Variants in CYTH1 observed in about 807,000 individuals in gnomAD.
CYTH1 encodes the protein cytohesin-1.
Under a neutral mutation model 61.8 loss-of-function variants are expected in CYTH1, and 18 were observed. That is an observed-to-expected ratio of 0.29 (90% confidence interval 0.20 to 0.43). The LOEUF (loss-of-function observed/expected upper bound fraction) is 0.43, where lower values mean the gene tolerates loss of function less well. CYTH1 is among the 20% of genes least tolerant of loss of function. The pLI, the probability that CYTH1 is intolerant of heterozygous loss-of-function variation, is 1.00. For missense variants in CYTH1, 336 were observed against 510.5 expected (o/e 0.66, Z 3.29); for synonymous variants, 174 against 184.3 (o/e 0.94, Z 0.45).
At chr17:78,752,605 G>C (rs1195642845) in intron 1 of CYTH1, among the ~76,000 whole-genome samples, 1 of 152,012 alleles carries the variant, frequency 6.6e-6, no homozygotes, top group Non-Finnish European at 1.5e-5. Flanking sequence ...GCTAATTTTT[G>C]TATTTTTAGT....
intron 13 of CYTH1, among the ~76,000 whole-genome samples, chr17:78,679,502 C>T (rs141073719): frequency 1.3e-5 from 2 of 151,936 alleles, no homozygotes; most frequent in East Asian, 1.9e-4. Context: ...GCCAGGCAGA[C>T]CAAGTCCCAG....
At chr17:78,781,944 T>C (rs1203433377) in intron 1 of CYTH1, among the ~76,000 whole-genome samples, 3 of 148,180 alleles carry the variant, frequency 2.0e-5, no homozygotes, top group Non-Finnish European at 3.0e-5. Flanking sequence ...GCCCGGCCTG[T>C]GACCCCCGCC....
rs564214363 is a variant in CYTH1 at position 78,686,625 on chromosome 17, G to A, written c.892-5583C>T. On this transcript the variant is annotated intron_variant, in intron 11 of 13. Coordinates refer to ENST00000446868, the MANE Select transcript of CYTH1 (RefSeq NM_004762.6). ...TCCTCTCGGATTGTAAGTATCCAACGTCAGGGTTTGCTCCATCTATCTGGG... is the reference window on the plus strand; with the variant it reads ...TCCTCTCGGATTGTAAGTATCCAACATCAGGGTTTGCTCCATCTATCTGGG... Among the ~76,000 whole-genome samples the A allele has an allele frequency of 1.6e-4, 24 of 152,236 alleles. No homozygotes were observed. The East Asian group carries it at 3.1e-3, about 20-fold the overall frequency.
chr17:78,723,744 G>GA (rs2093249764), intron 1 of CYTH1: 2 of 152,330 alleles, frequency 1.3e-5, no homozygotes. Context: ...TTCACTGCAA[G>GA]AATGCCAACC....
chr17:78,771,729 TAAAAAAA>T (rs752607880), intron 1 of CYTH1, among the ~76,000 whole-genome samples: 8 of 117,820 alleles, frequency 6.8e-5, no homozygotes, highest in African/African-American at 9.6e-5. Context: ...GATTCCATCT[TAAAAAAA>T]AAAAAAAAAA....
At chr17:78,779,773 G>A (rs555596916) in intron 1 of CYTH1, among the ~76,000 whole-genome samples, 1 of 152,184 alleles carries the variant, frequency 6.6e-6, no homozygotes, top group Non-Finnish European at 1.5e-5. Context: ...TCTCCCCTGA[G>A]CCTCCAGAAA....
intron 12 of CYTH1, among the ~76,000 whole-genome samples, chr17:78,680,716 C>T (rs948270896): frequency 3.9e-5 from 6 of 152,340 alleles, no homozygotes; most frequent in African/African-American, 1.2e-4. Flanking sequence ...CTCCTGCGTG[C>T]TTGCCGCTGC....
chr17:78,693,858 A>G (rs2092913412), intron 10 of CYTH1, among the ~76,000 whole-genome samples: 1 of 152,168 alleles, frequency 6.6e-6, no homozygotes, highest in Admixed American at 6.5e-5. Flanking sequence ...GAAGCTATGC[A>G]TGGCATTCTA....
chr17:78,688,562 C>G (rs2039793193), intron 11 of CYTH1, among the ~76,000 whole-genome samples: 1 of 152,236 alleles, frequency 6.6e-6, no homozygotes, highest in South Asian at 2.1e-4. Flanking sequence ...ATGTCCTTAG[C>G]AGCAGGCAGG....
chr17:78,681,884 C>G (rs371176227), intron 11 of CYTH1, among the ~76,000 whole-genome samples: 1 of 151,430 alleles, frequency 6.6e-6, no homozygotes, highest in Non-Finnish European at 1.5e-5. Context: ...TCTCTAAAAG[C>G]GAAAAAGAGT....
chr17:78,692,296 C>G, intron 11 of CYTH1, 121 bp downstream of exon 11: 1 of 995,192 alleles, frequency 1.0e-6, no homozygotes, highest in South Asian at 1.3e-5. Context: ...AAACTCTCCC[C>G]CATCCCCCAC....
chr17:78,680,195 G>A lies in CYTH1; in HGVS notation c.1113C>T (p.Cys371=). The change falls in exon 13 of 14, where the codon TGC becomes TGT. Residue 371 remains cysteine, a synonymous_variant. Transcript: ENST00000446868. ...TPEEKEEWIK[C]IKAAISRDPF... is the part of the protein sequence containing the mutation. Reference sequence around the variant, plus strand: ...CTTTCTCAGCAGTCACTTACTTAATGCACTTAATCCACTCCTCCTTCTCCT... The same window carrying A: ...CTTTCTCAGCAGTCACTTACTTAATACACTTAATCCACTCCTCCTTCTCCT... 6.2e-7 allele frequency: 1 copy of A among 1,614,138 alleles called. No homozygotes were observed. Among genetic ancestry groups the A allele is most frequent in the African/African-American group, 1.3e-5 (1 of 75,042 alleles).
intron 1 of CYTH1, among the ~76,000 whole-genome samples, chr17:78,735,391 T>C (rs762852627): frequency 6.6e-5 from 10 of 152,216 alleles, no homozygotes; most frequent in Admixed American, 1.3e-4. Context: ...GCATAGTCAC[T>C]AGTGTCCTCT....
intron 1 of CYTH1, among the ~76,000 whole-genome samples, chr17:78,711,481 T>G (rs1351284823): frequency 6.6e-6 from 1 of 152,042 alleles, no homozygotes; most frequent in African/African-American, 2.4e-5. Flanking sequence ...ATGGCTCATA[T>G]TATATTTCTA....
chr17:78,704,206 TG>T (rs1183383708), intron 3 of CYTH1, among the ~76,000 whole-genome samples: 1 of 152,200 alleles, frequency 6.6e-6, no homozygotes, highest in Admixed American at 6.5e-5. Flanking sequence ...CCTGTGCTTC[TG>T]CTGTATGTTT....
In CYTH1 at chr17:78,709,721, G is replaced by C. The variant is rs1254483787; in HGVS notation, c.34C>G (p.Leu12Val). ...EEDDSYVPSD[L>V]TAEERQELEN... ...AGTTCTTGACGCTCCTCTGCTGTCAGGTCACTGGGAACTACAAAAATGGAG... is the reference window on the plus strand; with the variant it reads ...AGTTCTTGACGCTCCTCTGCTGTCACGTCACTGGGAACTACAAAAATGGAG... The change falls in exon 2 of 14, where the codon CTG becomes GTG. Residue 12 changes from leucine to valine, a missense_variant. Transcript: ENST00000446868. 6.2e-7 allele frequency: 1 copy of C among 1,613,928 alleles called. No homozygotes were observed. The highest frequency in any genetic ancestry group is 8.5e-7 in the Non-Finnish European group (1 of 1,179,992).
intron 1 of CYTH1, among the ~76,000 whole-genome samples, chr17:78,731,541 C>T (rs1232123041): frequency 2.0e-5 from 3 of 151,970 alleles, no homozygotes; most frequent in African/African-American, 2.4e-5. Flanking sequence ...GGGCAGATCA[C>T]GAGGTCAGGA....
At chr17:78,709,767 T>G in intron 1 of CYTH1, 35 bp from the exon 2 acceptor site, 1 of 1,602,870 alleles carries the variant, frequency 6.2e-7, no homozygotes, top group Non-Finnish European at 8.5e-7. Flanking sequence ...CAAGAAAGCT[T>G]TTATCTCGCC....
intron 1 of CYTH1, among the ~76,000 whole-genome samples, chr17:78,733,305 G>A (rs2093304414): frequency 6.6e-6 from 1 of 152,066 alleles, no homozygotes; most frequent in African/African-American, 2.4e-5. Context: ...AAGCTCAACT[G>A]TAACTCTGCA....
Sources: gnomAD v4.1 joint callset for allele counts (sites outside exome capture counted in the v4.1 genomes callset) on GRCh38, gnomAD v4.1.1 for gene constraint, MANE v1.5 for transcripts, NCBI Gene and HGNC (gene_info 2026-07-23, HGNC 2026-07-21) for gene names.